RELN: variants seen among roughly 807,000 people sequenced by gnomAD.
The protein encoded by RELN is reelin.
RELN carries 108 observed loss-of-function variants against 427.6 expected under a neutral mutation model. That is an observed-to-expected ratio of 0.25 (90% CI 0.22 to 0.30). The LOEUF (loss-of-function observed/expected upper bound fraction) is 0.30, where lower values mean the gene tolerates loss of function less well. Ranked by LOEUF, RELN falls within the 10% of genes least tolerant of loss-of-function variation. RELN has a pLI of 1.00. For missense variants in RELN, 3,715 were observed against 4,302.8 expected (o/e 0.86, Z 3.82); for synonymous variants, 1,524 against 1,513.4 (o/e 1.01, Z -0.16).
intron 1 of RELN, among the ~76,000 whole-genome samples, chr7:103,958,085 T>C (rs149211004): frequency 3.3e-4 from 51 of 152,300 alleles, no homozygotes; most frequent in African/African-American, 1.2e-3. Flanking sequence ...GGCAGAATAG[T>C]ATCTACCTCA....
At chr7:103,771,687 C>T (rs1791573544) in intron 4 of RELN, among the ~76,000 whole-genome samples, 1 of 152,148 alleles carries the variant, frequency 6.6e-6, no homozygotes, top group Non-Finnish European at 1.5e-5. Flanking sequence ...ACGGAGTAGC[C>T]CCAGATTTCC....
chr7:103,775,242 G>A (rs1584483508), intron 4 of RELN, among the ~76,000 whole-genome samples: 1 of 152,128 alleles, frequency 6.6e-6, no homozygotes, highest in South Asian at 2.1e-4. Flanking sequence ...TCAAATTCTT[G>A]AGCCTACCTA....
rs1419505479 is a variant in RELN at position 103,483,914 on chromosome 7, C to A, written c.9984-64G>T. On this transcript the variant is annotated intron_variant, in intron 61 of 64. Coordinates refer to ENST00000428762, the MANE Select transcript of RELN (RefSeq NM_005045.4). ...TTATTTTTTGAGATGGAGTCTTGCT[C>A]TGTCACCCAGGCTGGAGTACAGTGG... 2.7e-6 allele frequency: 4 copies of A among 1,488,238 alleles called. No individual in the cohort carries two copies. In the South Asian group the frequency reaches 4.8e-5, roughly 18 times the overall value. The allele number at this position is 1,488,238 out of a possible 1,614,324, so 92.2% of individuals were successfully genotyped here. A position where few individuals can be genotyped will look rare whatever the true frequency, so the allele number is the denominator to read the frequency against.
At position 103,953,307 on chromosome 7, in the gene RELN, T is replaced by C. The variant is rs1796369359; in HGVS notation, c.226+35824A>G. 6.6e-6 allele frequency among the ~76,000 whole-genome samples: 1 copy of C among 152,242 alleles called. No homozygotes were observed. The highest frequency in any genetic ancestry group is 2.4e-5 in the African/African-American group (1 of 41,474). On this transcript the variant is annotated intron_variant, in intron 1 of 64. Transcript: ENST00000428762. This position sits in a 1 kb window ranked among gnomAD's most constrained non-coding sequence, Gnocchi z 4.3. ...CTCACAATAACAAGTGGAAGGGTTATTGTTTTATCATTTGGTTTCGGATCC... is the reference window on the plus strand; with the variant it reads ...CTCACAATAACAAGTGGAAGGGTTACTGTTTTATCATTTGGTTTCGGATCC...
chr7:103,477,336 G>A (rs924214079), intron 64 of RELN, among the ~76,000 whole-genome samples: 2 of 152,150 alleles, frequency 1.3e-5, no homozygotes, highest in Non-Finnish European at 2.9e-5. Context: ...TAAAGGAAAT[G>A]GAGGAGATAG....
Position 103,603,365 on chromosome 7 carries a change from A to G in RELN, c.3272T>C (p.Ile1091Thr). 1 of 1,613,850 alleles carries G rather than the reference A, an allele frequency of 6.2e-7. No individual in the cohort carries two copies. Among genetic ancestry groups the G allele is most frequent in the South Asian group, 1.1e-5 (1 of 91,070 alleles). ...ACCACACCCTTGTTCTGGTTTTACA[A>G]TTTCTCCCCCAATAACTTCTTGCCA... ...SDWQEVIGGE[I>T]VKPEQGCGVI... Residue 1091 changes from isoleucine (I) to threonine (T), a missense_variant, in exon 24 of 65, where the codon ATT (isoleucine) becomes ACT (threonine). By Grantham distance (89) the Ile-to-Thr change is moderately conservative. Around this residue, in one of 4 missense-constraint regions of RELN, gnomAD observed 2,208 missense variants for 2,361.7 expected, o/e 0.93. Transcript: ENST00000428762. The surrounding 1 kb of genome is among the most constrained non-coding windows in gnomAD (Gnocchi z 4.3).
chr7:103,947,602 T>C (rs574485523), intron 1 of RELN, among the ~76,000 whole-genome samples: 2 of 152,324 alleles, frequency 1.3e-5, no homozygotes, highest in East Asian at 3.9e-4. Context: ...CAGACTTCTA[T>C]CCTCTAGAGC....
chr7:103,637,823 T>C (rs1244677387), intron 17 of RELN, among the ~76,000 whole-genome samples: 1 of 152,148 alleles, frequency 6.6e-6, no homozygotes, highest in Non-Finnish European at 1.5e-5. Flanking sequence ...TTTACCACAG[T>C]CACGAATTGG....
chr7:103,762,455 C>T (rs562964690), intron 4 of RELN, among the ~76,000 whole-genome samples: 102 of 152,200 alleles, frequency 6.7e-4, no homozygotes, highest in African/African-American at 2.4e-3. Flanking sequence ...GGAAAGGGTC[C>T]CTTTTGGGGA....
chr7:103,860,352 G>A (rs574692388), intron 2 of RELN, among the ~76,000 whole-genome samples: 19 of 152,168 alleles, frequency 1.2e-4, no homozygotes, highest in South Asian at 6.2e-4. Flanking sequence ...ATTATTATAT[G>A]GAATAAGGCA....
chr7:103,883,798 G>A (rs533172874), intron 2 of RELN, among the ~76,000 whole-genome samples: 41 of 152,156 alleles, frequency 2.7e-4, no homozygotes, highest in Non-Finnish European at 5.4e-4. Flanking sequence ...CAAACAAATG[G>A]ATTAACACTC....
At chr7:103,846,074 A>G (rs1203153538) in intron 2 of RELN, among the ~76,000 whole-genome samples, 4 of 152,236 alleles carry the variant, frequency 2.6e-5, no homozygotes, top group African/African-American at 7.2e-5. Context: ...AATTAGAAAG[A>G]AACTATTTTA....
intron 2 of RELN, among the ~76,000 whole-genome samples, chr7:103,881,039 T>C (rs1304245689): frequency 6.6e-6 from 1 of 152,158 alleles, no homozygotes; most frequent in East Asian, 1.9e-4. Context: ...TATTAAAGCA[T>C]GCCAAGGACT....
intron 1 of RELN, among the ~76,000 whole-genome samples, chr7:103,935,589 C>T (rs1013794667): frequency 2.0e-5 from 3 of 152,150 alleles, no homozygotes; most frequent in Non-Finnish European, 4.4e-5. Context: ...ATGCCATCTA[C>T]ATGCCAAAGG....
chr7:103,740,344 T>C (rs1220696311), intron 6 of RELN, among the ~76,000 whole-genome samples: 2 of 152,216 alleles, frequency 1.3e-5, no homozygotes, highest in Admixed American at 6.5e-5. Flanking sequence ...ACAGAAACTA[T>C]TACCCAAGTT....
chr7:103,928,194 C>T (rs1423946119), intron 1 of RELN, among the ~76,000 whole-genome samples: 1 of 152,138 alleles, frequency 6.6e-6, no homozygotes, highest in Non-Finnish European at 1.5e-5. Flanking sequence ...AATTAAAATA[C>T]CTATTCAACA....
At chr7:103,930,682 G>C (rs1795842475) in intron 1 of RELN, among the ~76,000 whole-genome samples, 3 of 152,032 alleles carry the variant, frequency 2.0e-5, no homozygotes, top group African/African-American at 4.8e-5. Flanking sequence ...GCCCAGGCTG[G>C]TCTCTAACTC....
intron 4 of RELN, among the ~76,000 whole-genome samples, chr7:103,772,216 T>C (rs1475771382): frequency 1.3e-5 from 2 of 152,172 alleles, no homozygotes; most frequent in African/African-American, 4.8e-5. Flanking sequence ...GATTCCATAG[T>C]AAAAAGCACA....
chr7:103,929,348 CTT>C (rs1795811487), intron 1 of RELN, among the ~76,000 whole-genome samples: 1 of 152,156 alleles, frequency 6.6e-6, no homozygotes, highest in Non-Finnish European at 1.5e-5. Context: ...GTGTTCTAAA[CTT>C]TTCATTTGGA....
Sources: gnomAD v4.1 joint callset for allele counts (sites outside exome capture counted in the v4.1 genomes callset) on GRCh38, gnomAD v4.1.1 for gene constraint, gnomAD v4.1.1 regional missense constraint, Gnocchi (gnomAD v3.1) non-coding constraint, MANE v1.5 for transcripts, NCBI Gene and HGNC (gene_info 2026-07-23, HGNC 2026-07-21) for gene names.